The following VAT1L variants were observed in gnomAD, a reference collection of about 807,000 sequenced individuals.
The protein encoded by VAT1L is putative NADPH-dependent quinone oxidoreductase VAT1L.
In VAT1L, 34 loss-of-function variants were observed where a neutral mutation model predicts 44.1. The ratio of observed to expected loss-of-function variants is 0.77; its 90% CI spans 0.59 to 1.03. VAT1L has a LOEUF of 1.03. Among genes scored for constraint, VAT1L ranks in the 50% least tolerant of loss-of-function variants. The probability of loss-of-function intolerance (pLI) is 0.00; values close to 1 mark genes in which losing one functional copy is unlikely to be tolerated. For synonymous variants in VAT1L, 253 were observed against 202.2 expected (o/e 1.25, Z -2.13); for missense variants, 615 against 538.8 (o/e 1.14, Z -1.40).
intron 7 of VAT1L, among the ~76,000 whole-genome samples, chr16:77,969,630 C>T (rs1373962425): frequency 6.6e-6 from 1 of 151,892 alleles, no homozygotes; most frequent in East Asian, 1.9e-4. Context: ...TCCTTTATTA[C>T]CTAATTTTGG....
At chr16:77,877,934 C>T (rs934305208) in intron 5 of VAT1L, among the ~76,000 whole-genome samples, 3 of 152,166 alleles carry the variant, frequency 2.0e-5, no homozygotes, top group African/African-American at 7.2e-5. Flanking sequence ...AGAGTCCCTG[C>T]ACGTTGCAAG....
Position 77,931,143 on chromosome 16 carries a change from T to G in VAT1L, c.1078-40707T>G, listed in dbSNP as rs187869366. On this transcript the variant is annotated intron_variant, in intron 7 of 8. Coordinates refer to ENST00000302536, the MANE Select transcript of VAT1L (RefSeq NM_020927.3). ...CAATGTCTTAATGCTCTTATTAGAT[T>G]GCCTCCTCGATAGAATTATGACTCT... is the stretch of plus-strand genomic sequence containing the variant. Among the ~76,000 whole-genome samples, 353 of 152,296 alleles carry G rather than the reference T, an allele frequency of 2.3e-3. 1 individual carries two copies. Among genetic ancestry groups the G allele is most frequent in the African/African-American group, 8.0e-3 (331 of 41,564 alleles).
At chr16:77,941,104 AGAGT>A (rs762016905) in intron 7 of VAT1L, among the ~76,000 whole-genome samples, 5 of 152,348 alleles carry the variant, frequency 3.3e-5, no homozygotes, top group Non-Finnish European at 7.3e-5. Flanking sequence ...TTATGGATGC[AGAGT>A]GGGCTTTTCC....
At chr16:77,806,420 A>G (rs892209701) in intron 1 of VAT1L, among the ~76,000 whole-genome samples, 4 of 151,014 alleles carry the variant, frequency 2.6e-5, no homozygotes, top group Non-Finnish European at 4.4e-5. Flanking sequence ...CATGTTAGCC[A>G]GCATGGTCTC....
Position 77,884,904 on chromosome 16 carries a change from T to G in VAT1L, c.1077+102T>G. ...TCTACTAAATGATTTTTTTCCCAGATGGGTTTGTTTTAAATGAGGGTCCTA... is the reference window on the plus strand; with the variant it reads ...TCTACTAAATGATTTTTTTCCCAGAGGGGTTTGTTTTAAATGAGGGTCCTA... On this transcript the variant is annotated intron_variant, in intron 7 of 8. Coordinates refer to ENST00000302536, the MANE Select transcript of VAT1L (RefSeq NM_020927.3). This position sits in a 1 kb window ranked among gnomAD's most constrained non-coding sequence, Gnocchi z 4.5. The G allele has an allele frequency of 7.7e-7, 1 of 1,306,320 alleles. No homozygotes were observed. Among genetic ancestry groups the G allele is most frequent in the East Asian group, 2.9e-5 (1 of 34,948 alleles). 80.9% of individuals were successfully genotyped at this position (1,306,320 alleles called of 1,614,324 possible).
chr16:77,936,871 C>CTTGT (rs142846091), intron 7 of VAT1L, among the ~76,000 whole-genome samples: 95,143 of 150,464 alleles, frequency 0.63, 30,149 homozygotes, highest in Middle Eastern at 0.68. Context: ...TGTTTGGTTT[C>CTTGT]TTGTTTGTTT....
At chr16:77,861,385 T>G (rs1040565247) in intron 3 of VAT1L, among the ~76,000 whole-genome samples, 2 of 152,224 alleles carry the variant, frequency 1.3e-5, no homozygotes, top group Admixed American at 1.3e-4. Context: ...ACTTCAAGTT[T>G]GACCATACTG....
intron 4 of VAT1L, among the ~76,000 whole-genome samples, chr16:77,868,619 A>C (rs1457001271): frequency 6.6e-6 from 1 of 152,220 alleles, no homozygotes; most frequent in Non-Finnish European, 1.5e-5. Context: ...GTAGTGCCAG[A>C]GCTTGTGATC....
At chr16:77,832,049 A>G (rs929042935) in intron 3 of VAT1L, among the ~76,000 whole-genome samples, 4 of 145,550 alleles carry the variant, frequency 2.7e-5, no homozygotes, top group African/African-American at 1.0e-4. Context: ...GCTGGTCTCG[A>G]ACTCCTGACC....
At chr16:77,789,106 C>T (rs1172168305) in intron 1 of VAT1L, among the ~76,000 whole-genome samples, 191 bp downstream of exon 1, 1 of 152,090 alleles carries the variant, frequency 6.6e-6, no homozygotes, top group Non-Finnish European at 1.5e-5. Flanking sequence ...CTCCCCAAGC[C>T]AGATCTAGGG....
chr16:77,945,073 G>T (rs963638052), intron 7 of VAT1L, among the ~76,000 whole-genome samples: 1 of 152,134 alleles, frequency 6.6e-6, no homozygotes, highest in African/African-American at 2.4e-5. Context: ...TGTTCATACA[G>T]ATTATCCAGC....
intron 7 of VAT1L, among the ~76,000 whole-genome samples, chr16:77,930,185 C>A (rs1181689348): frequency 6.6e-6 from 1 of 152,156 alleles, no homozygotes; most frequent in East Asian, 1.9e-4. Flanking sequence ...CAAGCACCCA[C>A]CCCCAACACA....
intron 1 of VAT1L, among the ~76,000 whole-genome samples, chr16:77,807,714 T>G (rs1462413162): frequency 6.6e-6 from 1 of 152,154 alleles, no homozygotes; most frequent in Non-Finnish European, 1.5e-5. Flanking sequence ...GTTGAGCATT[T>G]ACTGTGTACG....
At chr16:77,872,338 G>A (rs1297857487) in intron 4 of VAT1L, among the ~76,000 whole-genome samples, 2 of 152,098 alleles carry the variant, frequency 1.3e-5, no homozygotes, top group African/African-American at 4.8e-5. Flanking sequence ...GCCATGGTTG[G>A]TGTCCCAAAG....
At chr16:77,876,596 T>C (rs2017089897) in intron 5 of VAT1L, 123 bp downstream of exon 5, 14 of 773,472 alleles carry the variant, frequency 1.8e-5, no homozygotes, top group Non-Finnish European at 3.0e-5. Flanking sequence ...GTGTTTCATT[T>C]TTTAATGTTT....
chr16:77,795,618 C>G (rs910970702), intron 1 of VAT1L, among the ~76,000 whole-genome samples: 6 of 152,018 alleles, frequency 3.9e-5, no homozygotes, highest in Non-Finnish European at 5.9e-5. Flanking sequence ...GTGGATGGGT[C>G]AATTCAGAAA....
intron 4 of VAT1L, among the ~76,000 whole-genome samples, chr16:77,874,105 A>C (rs1177729542): frequency 1.3e-5 from 2 of 152,112 alleles, no homozygotes; most frequent in African/African-American, 4.8e-5. Flanking sequence ...GGGGCATCAG[A>C]GGACAAAAAT....
At chr16:77,874,223 T>C (rs1359582408) in intron 4 of VAT1L, among the ~76,000 whole-genome samples, 1 of 151,112 alleles carries the variant, frequency 6.6e-6, no homozygotes, top group Non-Finnish European at 1.5e-5. Flanking sequence ...AGGGGAGAGG[T>C]CTTGGAGAAA....
chr16:77,883,500 TG>T (rs905537026), intron 6 of VAT1L, among the ~76,000 whole-genome samples: 1 of 152,196 alleles, frequency 6.6e-6, no homozygotes, highest in African/African-American at 2.4e-5. Flanking sequence ...TATTTGGGGC[TG>T]GGTAATTCTT....
Sources: allele counts gnomAD v4.1 joint callset (sites outside exome capture counted in the v4.1 genomes callset), GRCh38; gene constraint gnomAD v4.1.1; non-coding constraint Gnocchi (gnomAD v3.1); transcripts MANE v1.5; gene names NCBI Gene and HGNC (gene_info 2026-07-23, HGNC 2026-07-21).